Variants in LHFPL6 observed in about 807,000 individuals in gnomAD.
The protein encoded by LHFPL6 is LHFPL tetraspan subfamily member 6 protein.
A neutral mutation model predicts 20.6 loss-of-function variants in LHFPL6; 9 were observed. The ratio of observed to expected loss-of-function variants is 0.44; its 90% CI spans 0.26 to 0.76. The LOEUF is 0.76. LHFPL6 is among the 30% of genes least tolerant of loss of function. The pLI is 0.20. For synonymous variants in LHFPL6, 105 were observed against 98.7 expected, an observed-to-expected ratio of 1.06 and a Z score of -0.38; for missense variants, 218 against 253.5, an observed-to-expected ratio of 0.86 and a Z score of 0.95.
chr13:39,602,465 ATC>A (rs1872985387), intron 1 of LHFPL6, among the ~76,000 whole-genome samples: 1 of 151,730 alleles, frequency 6.6e-6, no homozygotes. Flanking sequence ...GCTGAAGTTG[ATC>A]TATCTGGGCC....
chr13:39,374,829 G>T (rs571550167), intron 3 of LHFPL6, among the ~76,000 whole-genome samples: 1 of 152,322 alleles, frequency 6.6e-6, no homozygotes, highest in South Asian at 2.1e-4. Context: ...TGAGGGCAGT[G>T]AATAGTGTCA....
rs143026472 is a variant in LHFPL6 at position 39,474,885 on chromosome 13, G to A, written c.386-96359C>T. Reference sequence around the variant, plus strand: ...CCCTAACAGCCCATGGGGAGTAGGGGAGGGCCTTCTAGGTGGCAGTGGTGG... The same window carrying A: ...CCCTAACAGCCCATGGGGAGTAGGGAAGGGCCTTCTAGGTGGCAGTGGTGG... On this transcript the variant is annotated intron_variant, in intron 2 of 3. Coordinates refer to ENST00000379589, the MANE Select transcript of LHFPL6 (RefSeq NM_005780.3). 5.0e-3 allele frequency among the ~76,000 whole-genome samples: 760 copies of A among 152,296 alleles called. 8 individuals carry two copies. Among genetic ancestry groups the A allele is most frequent in the African/African-American group, 0.017 (715 of 41,554 alleles).
intron 2 of LHFPL6, among the ~76,000 whole-genome samples, chr13:39,473,839 T>G (rs1224367757): frequency 6.6e-6 from 1 of 152,232 alleles, no homozygotes; most frequent in Admixed American, 6.5e-5. Flanking sequence ...CAGAATCTCC[T>G]TTGGATTCTT....
chr13:39,504,131 C>T (rs1869389218), intron 2 of LHFPL6, among the ~76,000 whole-genome samples: 1 of 152,130 alleles, frequency 6.6e-6, no homozygotes, highest in African/African-American at 2.4e-5. Flanking sequence ...GGAAGGATCA[C>T]TAACATGTTT....
Position 39,418,382 on chromosome 13 carries a change from CTTTT to C in LHFPL6, c.386-39860_386-39857del, listed in dbSNP as rs71077297. On this transcript the variant is annotated intron_variant, in intron 2 of 3. Transcript: ENST00000379589. The stretch of plus-strand genomic sequence containing the variant: ...TTTTAAAGGGTAAAGTTTTTTTGGT[CTTTT>C]TTTTTTTTTTTTTTTCCAGAATGCC... Among the ~76,000 whole-genome samples, 18 of 129,738 alleles carry C rather than the reference CTTTT, an allele frequency of 1.4e-4. No homozygotes were observed. The East Asian group carries it at 1.9e-3, about 14-fold the overall frequency. 85.1% of individuals were successfully genotyped at this position (129,738 alleles called of 152,430 possible).
chr13:39,601,011 C>G lies in LHFPL6; in HGVS notation c.206G>C (p.Gly69Ala). The part of the protein sequence containing the change: ...RQMMVMVEEC[G>A]RYASFQGIPS... ...GATGCCCTGGAAGGAGGCATAGCGC[C>G]CACATTCCTCCACCATCACCATCAT... The change falls in exon 2 of 4, where the codon GGG (glycine) becomes GCG (alanine). Residue 69 changes from glycine (G) to alanine (A), a missense_variant. By Grantham distance (60) the Gly-to-Ala change is moderately conservative. Coordinates refer to ENST00000379589, the MANE Select transcript of LHFPL6 (RefSeq NM_005780.3). 6.2e-7 allele frequency: 1 copy of G among 1,614,124 alleles called. No individual in the cohort carries two copies.
At chr13:39,560,479 A>G (rs9576860) in intron 2 of LHFPL6, among the ~76,000 whole-genome samples, 12,055 of 146,818 alleles carry the variant, frequency 0.082, 610 homozygotes, top group East Asian at 0.23. Context: ...TTCAAGCACA[A>G]TCTCCTTTGG....
rs77305045 is a variant in LHFPL6 at position 39,348,158 on chromosome 13, T to C, written c.485-4104A>G. 8.0e-3 allele frequency among the ~76,000 whole-genome samples: 1,222 copies of C among 152,306 alleles called. 64 individuals are homozygous for C. The South Asian group carries it at 0.11, about 14-fold the overall frequency. On this transcript the variant is annotated intron_variant, in intron 3 of 3. Coordinates refer to ENST00000379589, the MANE Select transcript of LHFPL6 (RefSeq NM_005780.3). ...CAATAAAATAGCAGAAGTTTAAGCT[T>C]CAGGGTCTCGTAAGTGGCAGGGGAG... is the stretch of plus-strand genomic sequence containing the variant.
At chr13:39,384,746 C>T (rs1169867059) in intron 2 of LHFPL6, among the ~76,000 whole-genome samples, 1 of 152,184 alleles carries the variant, frequency 6.6e-6, no homozygotes, top group African/African-American at 2.4e-5. Flanking sequence ...CTCTAGCTCA[C>T]AAGCTTTAAT....
At chr13:39,451,004 A>G (rs148921128) in intron 2 of LHFPL6, among the ~76,000 whole-genome samples, 5 of 152,290 alleles carry the variant, frequency 3.3e-5, no homozygotes, top group Admixed American at 6.5e-5. Context: ...TACCACGAAG[A>G]GTTTTATTCT....
At chr13:39,488,132 C>T (rs1316047857) in intron 2 of LHFPL6, among the ~76,000 whole-genome samples, 1 of 152,072 alleles carries the variant, frequency 6.6e-6, no homozygotes, top group African/African-American at 2.4e-5. Flanking sequence ...ATAAAAGAGG[C>T]TCCAGGGAGC....
chr13:39,418,936 T>C (rs1871414183), intron 2 of LHFPL6, among the ~76,000 whole-genome samples: 1 of 152,210 alleles, frequency 6.6e-6, no homozygotes, highest in South Asian at 2.1e-4. Flanking sequence ...GATACACAAA[T>C]ATTGCTGCCC....
At chr13:39,522,376 A>G (rs1870135580) in intron 2 of LHFPL6, among the ~76,000 whole-genome samples, 1 of 152,236 alleles carries the variant, frequency 6.6e-6, no homozygotes, top group Non-Finnish European at 1.5e-5. Context: ...TCCAGAGTCC[A>G]TGCTCCTAAC....
At chr13:39,480,549 TG>T (rs1273241825) in intron 2 of LHFPL6, among the ~76,000 whole-genome samples, 1 of 152,192 alleles carries the variant, frequency 6.6e-6, no homozygotes, top group African/African-American at 2.4e-5. Context: ...GTGTCTTGAT[TG>T]GTAGCTTGTG....
In LHFPL6 at chr13:39,406,705, T is replaced by G. The variant is rs140217750; in HGVS notation, c.386-28179A>C. ...TCACAGTGTTCAATGAAAATACTCA[T>G]ACATTAAAATGCCATATACATCCAG... On this transcript the variant is annotated intron_variant, in intron 2 of 3. Coordinates refer to ENST00000379589, the MANE Select transcript of LHFPL6 (RefSeq NM_005780.3). Among the ~76,000 whole-genome samples the G allele has an allele frequency of 2.2e-3, 337 of 152,346 alleles. 1 individual carries two copies. The highest frequency in any genetic ancestry group is 7.9e-3 in the African/African-American group (330 of 41,580).
chr13:39,540,518 G>GAAGGGGAA lies in LHFPL6; in HGVS notation c.385+60306_385+60313dup, dbSNP rs1401331541. On this transcript the variant is annotated intron_variant, in intron 2 of 3. Transcript: ENST00000379589. ...TGAAATGTATGCTAATTTGACAAGA[G>GAAGGGGAA]AAGGGGAAATTTATCTCTCCTCTAA... 2.0e-5 allele frequency among the ~76,000 whole-genome samples: 3 copies of GAAGGGGAA among 152,160 alleles called. No individual in the cohort carries two copies. In the East Asian group the frequency reaches 5.8e-4, roughly 29 times the overall value.
At chr13:39,395,169 C>T (rs925272210) in intron 2 of LHFPL6, among the ~76,000 whole-genome samples, 2 of 152,138 alleles carry the variant, frequency 1.3e-5, no homozygotes, top group African/African-American at 4.8e-5. Context: ...AGATAAATGC[C>T]TCCTTTTTTC....
At chr13:39,496,236 T>C (rs1237699639) in intron 2 of LHFPL6, among the ~76,000 whole-genome samples, 1 of 152,180 alleles carries the variant, frequency 6.6e-6, no homozygotes, top group Non-Finnish European at 1.5e-5. Flanking sequence ...ATTTGGTATG[T>C]GGTGAGAGCC....
intron 2 of LHFPL6, among the ~76,000 whole-genome samples, chr13:39,595,855 C>T (rs566266372): frequency 6.6e-4 from 100 of 152,312 alleles, no homozygotes; most frequent in African/African-American, 2.3e-3. Flanking sequence ...TTCAGAAGGA[C>T]TGGCTCCTAG....
Sources: allele counts gnomAD v4.1 joint callset (sites outside exome capture counted in the v4.1 genomes callset), GRCh38; gene constraint gnomAD v4.1.1; transcripts MANE v1.5; gene names NCBI Gene and HGNC (gene_info 2026-07-23, HGNC 2026-07-21).